NXPH2: variants seen among roughly 807,000 people sequenced by gnomAD.
NXPH2 encodes neurexophilin-2.
NXPH2 carries 5 observed loss-of-function variants against 19.8 expected under a neutral mutation model. That is an observed-to-expected ratio of 0.25 (90% CI 0.13 to 0.53). The LOEUF (loss-of-function observed/expected upper bound fraction) is 0.53. Ranked by LOEUF, NXPH2 falls within the 20% of genes least tolerant of loss-of-function variation. The pLI, the probability that NXPH2 is intolerant of heterozygous loss-of-function variation, is 0.96. For synonymous variants in NXPH2, 154 were observed against 127.4 expected, an observed-to-expected ratio of 1.21 and a Z score of -1.41; for missense variants, 289 against 322.8, an observed-to-expected ratio of 0.90 and a Z score of 0.80.
intron 1 of NXPH2, among the ~76,000 whole-genome samples, chr2:138,700,247 T>C (rs1228354033): frequency 2.0e-5 from 3 of 152,214 alleles, no homozygotes; most frequent in African/African-American, 7.2e-5. Context: ...TTTAACATTA[T>C]GTACAGCTTT....
chr2:138,729,530 T>TA (rs1448624053), intron 1 of NXPH2, among the ~76,000 whole-genome samples: 1 of 152,216 alleles, frequency 6.6e-6, no homozygotes, highest in Non-Finnish European at 1.5e-5. Flanking sequence ...ACAGTGCCTT[T>TA]AAAAAATAGA....
intron 1 of NXPH2, among the ~76,000 whole-genome samples, chr2:138,755,390 ATGACCAACTGTTCCAGCATCATT>A (rs1309252690): frequency 1.3e-5 from 2 of 152,128 alleles, no homozygotes; most frequent in African/African-American, 4.8e-5. Context: ...TTGCATATGA[ATGACCAACTGTTCCAGCATCATT>A]TGTTGAAAAG....
At chr2:138,688,969 A>G (rs1680705748) in intron 1 of NXPH2, among the ~76,000 whole-genome samples, 1 of 152,250 alleles carries the variant, frequency 6.6e-6, no homozygotes, top group African/African-American at 2.4e-5. Flanking sequence ...TGGGCAATAA[A>G]GCACACATGT....
At chr2:138,746,822 A>G (rs1681743530) in intron 1 of NXPH2, among the ~76,000 whole-genome samples, 1 of 152,090 alleles carries the variant, frequency 6.6e-6, no homozygotes, top group Non-Finnish European at 1.5e-5. Context: ...CTGCCACCAC[A>G]TACTGCCTTT....
At position 138,689,114 on chromosome 2, in the gene NXPH2, G is replaced by T. The variant is rs142327670; in HGVS notation, c.52-17449C>A. Among the ~76,000 whole-genome samples, 23 of 152,162 alleles carry T rather than the reference G, an allele frequency of 1.5e-4. No individual in the cohort carries two copies. In the East Asian group the frequency reaches 3.7e-3, roughly 24 times the overall value. Reference sequence around the variant, plus strand: ...CATTTCTCCCTGAAATTTCCTGGAGGTTTTATGAATTGGAATGTACCCAAA... The same window carrying T: ...CATTTCTCCCTGAAATTTCCTGGAGTTTTTATGAATTGGAATGTACCCAAA... On this transcript the variant is annotated intron_variant, in intron 1 of 1. Transcript: ENST00000272641.
chr2:138,686,542 TATTTA>T (rs1309916701), intron 1 of NXPH2, among the ~76,000 whole-genome samples: 2 of 133,138 alleles, frequency 1.5e-5, no homozygotes, highest in East Asian at 4.0e-4. Context: ...AATTGTTATT[TATTTA>T]TTTTATTTTA....
At chr2:138,779,524 A>G (rs1682315685) in intron 1 of NXPH2, among the ~76,000 whole-genome samples, 2 of 151,892 alleles carry the variant, frequency 1.3e-5, no homozygotes, top group South Asian at 4.2e-4. Context: ...TCTCCCTGAA[A>G]AGACAGCTTC....
intron 1 of NXPH2, among the ~76,000 whole-genome samples, chr2:138,736,638 A>T (rs1681543389): frequency 1.3e-5 from 2 of 152,178 alleles, no homozygotes; most frequent in Non-Finnish European, 2.9e-5. Flanking sequence ...GGAGATTAAC[A>T]TTTGGCTCCA....
At chr2:138,741,110 T>C (rs1343406582) in intron 1 of NXPH2, among the ~76,000 whole-genome samples, 1 of 152,044 alleles carries the variant, frequency 6.6e-6, no homozygotes. Context: ...TAACAGAAAT[T>C]CCACTTAACA....
chr2:138,715,128 C>G (rs1681174409), intron 1 of NXPH2, among the ~76,000 whole-genome samples: 2 of 152,246 alleles, frequency 1.3e-5, no homozygotes, highest in African/African-American at 4.8e-5. Flanking sequence ...ATTGTAGATT[C>G]ACTACAGTCA....
rs137935235 is a variant in NXPH2, at chr2:138,729,239, T to C, written c.51+50952A>G. On this transcript the variant is annotated intron_variant, in intron 1 of 1. Coordinates refer to ENST00000272641, the MANE Select transcript of NXPH2 (RefSeq NM_007226.3). Reference sequence around the variant, plus strand: ...ATAGGAGGGACCCAGTAGGAGGTAATTGAATCATGGGGGTGGTTTCCCTCA... The same window carrying C: ...ATAGGAGGGACCCAGTAGGAGGTAACTGAATCATGGGGGTGGTTTCCCTCA... 2.8e-3 allele frequency among the ~76,000 whole-genome samples: 424 copies of C among 152,298 alleles called. 5 individuals are homozygous for C. Among genetic ancestry groups the C allele is most frequent in the African/African-American group, 9.5e-3 (397 of 41,578 alleles).
chr2:138,702,038 T>C, intron 1 of NXPH2, among the ~76,000 whole-genome samples: 1 of 152,174 alleles, frequency 6.6e-6, no homozygotes, highest in Non-Finnish European at 1.5e-5. Flanking sequence ...GAGGCCACTT[T>C]ATCATTTTCC....
intron 1 of NXPH2, among the ~76,000 whole-genome samples, chr2:138,720,871 A>G (rs1294977728): frequency 2.6e-5 from 4 of 152,214 alleles, no homozygotes; most frequent in Non-Finnish European, 1.5e-5. Context: ...AAAGCCTGAC[A>G]CATTGGAGTC....
chr2:138,711,265 G>A (rs896475943), intron 1 of NXPH2, among the ~76,000 whole-genome samples: 4 of 148,684 alleles, frequency 2.7e-5, no homozygotes, highest in African/African-American at 4.9e-5. Flanking sequence ...CTCAGCCTCC[G>A]GAGTAGCTGG....
At chr2:138,766,212 A>C in intron 1 of NXPH2, among the ~76,000 whole-genome samples, 1 of 152,230 alleles carries the variant, frequency 6.6e-6, no homozygotes, top group East Asian at 1.9e-4. Context: ...ATTTGCCTGA[A>C]TTAGAAGAAC....
intron 1 of NXPH2, among the ~76,000 whole-genome samples, chr2:138,737,660 T>C (rs1681572073): frequency 6.6e-6 from 1 of 152,218 alleles, no homozygotes; most frequent in African/African-American, 2.4e-5. Context: ...GGTCATTCTC[T>C]CCCAAGTCAA....
At chr2:138,716,303 G>A (rs145527116) in intron 1 of NXPH2, among the ~76,000 whole-genome samples, 76 of 152,234 alleles carry the variant, frequency 5.0e-4, no homozygotes, top group Middle Eastern at 6.8e-3. Context: ...ACCGGGCCTC[G>A]GGGAGGAAAC....
intron 1 of NXPH2, among the ~76,000 whole-genome samples, chr2:138,716,754 G>A (rs1681201888): frequency 6.6e-6 from 1 of 152,102 alleles, no homozygotes; most frequent in Admixed American, 6.5e-5. Context: ...ATGACACAGT[G>A]GAAAAAATAC....
intron 1 of NXPH2, among the ~76,000 whole-genome samples, chr2:138,770,110 A>T (rs1415892089): frequency 6.6e-6 from 1 of 152,168 alleles, no homozygotes; most frequent in Non-Finnish European, 1.5e-5. Flanking sequence ...AAAGTTTATA[A>T]AAGACTTCTT....
Sources: allele counts gnomAD v4.1 joint callset (sites outside exome capture counted in the v4.1 genomes callset), GRCh38; gene constraint gnomAD v4.1.1; transcripts MANE v1.5; gene names NCBI Gene and HGNC (gene_info 2026-07-23, HGNC 2026-07-21).